DIAPH3: variants seen among roughly 807,000 people sequenced by gnomAD.
DIAPH3 encodes protein diaphanous homolog 3.
A neutral mutation model predicts 144.3 loss-of-function variants in DIAPH3; 117 were observed. The observed-to-expected ratio is 0.81, with a 90% CI of 0.70 to 0.95. DIAPH3 has a LOEUF of 0.95. Among genes scored for constraint, DIAPH3 ranks in the 40% least tolerant of loss-of-function variants. DIAPH3 has a pLI of 0.00. For missense variants in DIAPH3, 1,421 were observed against 1,412.7 expected (o/e 1.01, Z -0.09); for synonymous variants, 519 against 488.9 (o/e 1.06, Z -0.81).
chr13:59,863,606 T>G (rs1027443191), intron 21 of DIAPH3, among the ~76,000 whole-genome samples: 7 of 152,154 alleles, frequency 4.6e-5, no homozygotes, highest in African/African-American at 1.7e-4. Context: ...GCTACCCACC[T>G]AGACAGCTTT....
intron 20 of DIAPH3, 62 bp from the exon 21 acceptor site, chr13:59,879,530 A>T (rs1009602138): frequency 6.2e-7 from 1 of 1,603,674 alleles, no homozygotes; most frequent in Non-Finnish European, 8.5e-7. Context: ...GTACTGTACG[A>T]CTGCAAGTAA....
chr13:59,749,385 T>C (rs2036877766), intron 27 of DIAPH3, among the ~76,000 whole-genome samples: 1 of 150,422 alleles, frequency 6.6e-6, no homozygotes, highest in African/African-American at 2.4e-5. Flanking sequence ...CCAGGCGTGG[T>C]GGTGGGCACC....
intron 1 of DIAPH3, among the ~76,000 whole-genome samples, chr13:60,140,151 T>C (rs1466841117): frequency 6.6e-6 from 1 of 152,152 alleles, no homozygotes; most frequent in African/African-American, 2.4e-5. Flanking sequence ...CAACACAAAT[T>C]TAGATTGGAT....
intron 14 of DIAPH3, among the ~76,000 whole-genome samples, chr13:59,980,246 C>G (rs536067741): frequency 1.1e-4 from 16 of 151,536 alleles, no homozygotes; most frequent in Admixed American, 1.1e-3. Context: ...TAAAGTTCAA[C>G]TTAATATAAT....
chr13:59,756,439 AGG>A (rs879672070), intron 27 of DIAPH3, among the ~76,000 whole-genome samples: 19 of 133,166 alleles, frequency 1.4e-4, no homozygotes, highest in Non-Finnish European at 6.5e-5. Flanking sequence ...GAAGGAAGGA[AGG>A]AAAGAAGGAA....
At chr13:59,801,862 A>G (rs1261466258) in intron 25 of DIAPH3, among the ~76,000 whole-genome samples, 2 of 152,254 alleles carry the variant, frequency 1.3e-5, no homozygotes, top group East Asian at 1.9e-4. Flanking sequence ...TACCATTTAC[A>G]TGTAACATAT....
At chr13:59,896,742 C>T (rs1045619247) in intron 20 of DIAPH3, among the ~76,000 whole-genome samples, 2 of 152,148 alleles carry the variant, frequency 1.3e-5, no homozygotes, top group African/African-American at 4.8e-5. Flanking sequence ...CTTTTAAAGG[C>T]TCATATTTCT....
chr13:59,792,482 C>T (rs557167904), intron 25 of DIAPH3, among the ~76,000 whole-genome samples: 3 of 152,170 alleles, frequency 2.0e-5, no homozygotes, highest in Non-Finnish European at 4.4e-5. Flanking sequence ...AATCCAACAC[C>T]AGGTCCTAAG....
chr13:60,097,738 G>A (rs955100848), intron 3 of DIAPH3, among the ~76,000 whole-genome samples: 6 of 150,968 alleles, frequency 4.0e-5, no homozygotes, highest in Admixed American at 6.6e-5. Context: ...AGGAGGAAAT[G>A]GCATTTGAAA....
chr13:60,157,514 A>C (rs1292096032), intron 1 of DIAPH3, among the ~76,000 whole-genome samples: 1 of 152,172 alleles, frequency 6.6e-6, no homozygotes, highest in Non-Finnish European at 1.5e-5. Flanking sequence ...TATTTCATTT[A>C]TATTCTTAAA....
intron 21 of DIAPH3, among the ~76,000 whole-genome samples, chr13:59,867,789 A>C (rs1414161769): frequency 6.6e-6 from 1 of 152,148 alleles, no homozygotes; most frequent in Non-Finnish European, 1.5e-5. Flanking sequence ...TGTTCCTTAC[A>C]AAAAAGGACT....
intron 3 of DIAPH3, among the ~76,000 whole-genome samples, chr13:60,102,592 A>C (rs988399542): frequency 1.3e-4 from 20 of 152,334 alleles, no homozygotes; most frequent in Middle Eastern, 6.8e-3. Flanking sequence ...GCTGCTCCTA[A>C]GAAGATTCTC....
At chr13:59,827,496 T>G (rs942988946) in intron 24 of DIAPH3, among the ~76,000 whole-genome samples, 1 of 151,988 alleles carries the variant, frequency 6.6e-6, no homozygotes, top group Admixed American at 6.6e-5. Context: ...AAGAATTTCT[T>G]TAAGATGAAA....
At chr13:59,850,804 C>T (rs2042922332) in intron 22 of DIAPH3, among the ~76,000 whole-genome samples, 1 of 148,424 alleles carries the variant, frequency 6.7e-6, no homozygotes, top group Non-Finnish European at 1.5e-5. Flanking sequence ...TCGACACATA[C>T]ACTCTCCCAA....
At chr13:59,682,498 T>C (rs1179778470) in intron 27 of DIAPH3, among the ~76,000 whole-genome samples, 1 of 152,172 alleles carries the variant, frequency 6.6e-6, no homozygotes, top group African/African-American at 2.4e-5. Flanking sequence ...CAATCTATTT[T>C]AAAGGTTAAA....
At chr13:59,937,207 C>G (rs545901965) in intron 17 of DIAPH3, among the ~76,000 whole-genome samples, 4 of 151,542 alleles carry the variant, frequency 2.6e-5, no homozygotes, top group African/African-American at 9.7e-5. Flanking sequence ...ACTATTTTTA[C>G]GTATAACATT....
At chr13:59,809,565 A>C (rs1464821034) in intron 25 of DIAPH3, among the ~76,000 whole-genome samples, 2 of 152,038 alleles carry the variant, frequency 1.3e-5, no homozygotes, top group Non-Finnish European at 2.9e-5. Flanking sequence ...GAAGTAATAT[A>C]TTAATTTAAA....
At chr13:59,888,876 A>AT (rs138593800) in intron 20 of DIAPH3, among the ~76,000 whole-genome samples, 8,581 of 151,850 alleles carry the variant, frequency 0.057, 294 homozygotes, top group Admixed American at 0.1. Flanking sequence ...TTTACAGGGT[A>AT]TTTTTTTAAC....
intron 22 of DIAPH3, among the ~76,000 whole-genome samples, chr13:59,847,071 C>G (rs1252371252): frequency 6.6e-6 from 1 of 152,070 alleles, no homozygotes. Context: ...AGAGGGAGAT[C>G]TTGTCTCAAA....
Sources: allele counts gnomAD v4.1 joint callset (sites outside exome capture counted in the v4.1 genomes callset), GRCh38; gene constraint gnomAD v4.1.1; transcripts MANE v1.5; gene names NCBI Gene and HGNC (gene_info 2026-07-23, HGNC 2026-07-21).